Variants in NETO1 observed in about 807,000 individuals in gnomAD.
The protein encoded by NETO1 is neuropilin and tolloid like 1, also known as neuropilin and tolloid-like protein 1.
Under a neutral mutation model 61.3 loss-of-function variants are expected in NETO1, and 26 were observed. That is an observed-to-expected ratio of 0.42 (90% CI 0.31 to 0.59). The LOEUF is 0.59. NETO1 is among the 20% of genes least tolerant of loss of function. NETO1 has a pLI of 0.12. For synonymous variants in NETO1, 225 were observed against 225.8 expected (o/e 1.00, Z 0.03); for missense variants, 531 against 662.8 (o/e 0.80, Z 2.18).
chr18:72,828,444 A>G (rs1017888068), intron 4 of NETO1, among the ~76,000 whole-genome samples: 1 of 152,240 alleles, frequency 6.6e-6, no homozygotes, highest in Non-Finnish European at 1.5e-5. Context: ...GTAGATATAC[A>G]TGCACTGTTT....
chr18:72,752,486 G>A (rs903454425), intron 8 of NETO1, among the ~76,000 whole-genome samples: 1 of 152,142 alleles, frequency 6.6e-6, no homozygotes, highest in South Asian at 2.1e-4. Context: ...TCACTAAAAT[G>A]GTCCAGCCAA....
intron 4 of NETO1, among the ~76,000 whole-genome samples, chr18:72,816,171 A>T (rs1024674312): frequency 6.6e-6 from 1 of 151,952 alleles, no homozygotes; most frequent in African/African-American, 2.4e-5. Context: ...CAGAGTGCTG[A>T]GAGTGAGCTG....
At chr18:72,798,600 C>T (rs750599945) in intron 4 of NETO1, among the ~76,000 whole-genome samples, 26 of 152,012 alleles carry the variant, frequency 1.7e-4, no homozygotes, top group African/African-American at 1.2e-4. Context: ...TGTGACACAC[C>T]CATTATTTTA....
intron 6 of NETO1, among the ~76,000 whole-genome samples, chr18:72,789,465 G>T (rs1435712611): frequency 6.6e-6 from 1 of 152,008 alleles, no homozygotes; most frequent in Non-Finnish European, 1.5e-5. Flanking sequence ...ACTTTTTGGA[G>T]ATAAAAGCAG....
chr18:72,854,139 CA>C (rs34028932), intron 4 of NETO1, among the ~76,000 whole-genome samples: 122,127 of 152,078 alleles, frequency 0.8, 49,583 homozygotes, highest in East Asian at 1. Context: ...TGAAGTCCAT[CA>C]AAGCATGCAG....
chr18:72,748,982 A>T, intron 10 of NETO1, 32 bp downstream of exon 10: 1 of 1,373,508 alleles, frequency 7.3e-7, no homozygotes, highest in East Asian at 2.3e-5. Flanking sequence ...AATACGACAA[A>T]GTAGGAAAAG....
chr18:72,770,775 T>C (rs1251733791), intron 7 of NETO1, among the ~76,000 whole-genome samples: 1 of 152,140 alleles, frequency 6.6e-6, no homozygotes, highest in Non-Finnish European at 1.5e-5. Context: ...ATCTTAGTAT[T>C]TACACCAAAC....
chr18:72,850,268 A>C (rs2074210138), intron 4 of NETO1, among the ~76,000 whole-genome samples: 1 of 152,160 alleles, frequency 6.6e-6, no homozygotes, highest in African/African-American at 2.4e-5. Context: ...GGATCAATAA[A>C]CAGTTGTTAA....
intron 4 of NETO1, among the ~76,000 whole-genome samples, chr18:72,847,889 A>G (rs4363935): frequency 1 from 152,213 of 152,298 alleles, 76,064 homozygotes; most frequent in Middle Eastern, 1. Flanking sequence ...AGGTAAAATC[A>G]CAGTTTTAGC....
At position 72,750,823 on chromosome 18, in the gene NETO1, G is replaced by T. The variant is rs559655052; in HGVS notation, c.983-203C>A. On this transcript the variant is annotated intron_variant, in intron 8 of 10. Coordinates refer to ENST00000327305, the MANE Select transcript of NETO1 (RefSeq NM_138966.5). ...TTTCACCAAAAAAATCCACTGAGCA[G>T]CCTTAAAAATAGCCCTCCCTCCCCA... 2.7e-5 allele frequency among the ~76,000 whole-genome samples: 4 copies of T among 147,348 alleles called. No homozygotes were observed. The South Asian group carries it at 8.5e-4, about 31-fold the overall frequency.
rs539038151 is a variant in NETO1, at chr18:72,794,004, T to A, written c.639+113A>T. 6.9e-5 allele frequency: 94 copies of A among 1,368,264 alleles called. No homozygotes were observed. In the African/African-American group the frequency reaches 1.2e-3, roughly 17 times the overall value. The allele number at this position is 1,368,264 out of a possible 1,614,324, so 84.8% of individuals were successfully genotyped here. A position where few individuals can be genotyped will look rare whatever the true frequency, so the allele number is the denominator to read the frequency against. On this transcript the variant is annotated intron_variant, in intron 6 of 10. Transcript: ENST00000327305. The stretch of plus-strand genomic sequence containing the variant: ...AAAAACCAAAATGAAATCATAGCCT[T>A]TGATGGCTGCACTCTGAAATGTATT...
chr18:72,781,661 T>A (rs1223261191), intron 7 of NETO1, among the ~76,000 whole-genome samples: 1 of 152,174 alleles, frequency 6.6e-6, no homozygotes, highest in African/African-American at 2.4e-5. Context: ...GCCCAAACGA[T>A]TTATTCGTTA....
intron 4 of NETO1, among the ~76,000 whole-genome samples, chr18:72,856,491 G>T (rs1387635241): frequency 6.6e-6 from 1 of 152,146 alleles, no homozygotes; most frequent in Admixed American, 6.5e-5. Context: ...ATCGATAGTT[G>T]AGTTCTTACA....
chr18:72,847,292 G>A (rs1340769152), intron 4 of NETO1, among the ~76,000 whole-genome samples: 1 of 152,196 alleles, frequency 6.6e-6, no homozygotes, highest in Non-Finnish European at 1.5e-5. Context: ...TCTTGGGGTA[G>A]TATAGTGGAA....
chr18:72,802,393 C>G (rs1049113883), intron 4 of NETO1, among the ~76,000 whole-genome samples: 17 of 152,202 alleles, frequency 1.1e-4, no homozygotes, highest in Non-Finnish European at 2.1e-4. Flanking sequence ...TCCCATCACA[C>G]AGTAACTTGC....
chr18:72,849,407 T>C (rs781127375), intron 4 of NETO1, among the ~76,000 whole-genome samples: 1 of 152,178 alleles, frequency 6.6e-6, no homozygotes, highest in Non-Finnish European at 1.5e-5. Flanking sequence ...GATGAAGATT[T>C]AGGTATTCTT....
At chr18:72,791,026 C>T (rs1372883452) in intron 6 of NETO1, among the ~76,000 whole-genome samples, 2 of 152,132 alleles carry the variant, frequency 1.3e-5, no homozygotes, top group Admixed American at 6.6e-5. Flanking sequence ...CCTTTGTTAA[C>T]GCCTATTGAA....
At chr18:72,781,215 T>G (rs1349812109) in intron 7 of NETO1, among the ~76,000 whole-genome samples, 1 of 152,178 alleles carries the variant, frequency 6.6e-6, no homozygotes, top group Non-Finnish European at 1.5e-5. Flanking sequence ...ATTTAATATA[T>G]TAGCTTGCCC....
intron 4 of NETO1, among the ~76,000 whole-genome samples, chr18:72,797,972 T>C (rs2072374820): frequency 6.6e-6 from 1 of 152,224 alleles, no homozygotes; most frequent in South Asian, 2.1e-4. Flanking sequence ...CTCTCTAAAA[T>C]AGCAACGTCC....
Sources: allele counts gnomAD v4.1 joint callset (sites outside exome capture counted in the v4.1 genomes callset), GRCh38; gene constraint gnomAD v4.1.1; transcripts MANE v1.5; gene names NCBI Gene and HGNC (gene_info 2026-07-23, HGNC 2026-07-21).